The following CDKL3 variants were observed in gnomAD, a reference collection of about 807,000 sequenced individuals.
CDKL3 encodes cyclin dependent kinase like 3, also known as cyclin-dependent kinase-like 3.
A neutral mutation model predicts 69.3 loss-of-function variants in CDKL3; 65 were observed. The ratio of observed to expected loss-of-function variants is 0.94; its 90% CI spans 0.77 to 1.15. The LOEUF (loss-of-function observed/expected upper bound fraction) is 1.15, where lower values mean the gene tolerates loss of function less well. Ranked by LOEUF, CDKL3 falls within the 50% of genes most tolerant of loss-of-function variation. The pLI is 0.00. For synonymous variants in CDKL3, 202 were observed against 221.6 expected, an observed-to-expected ratio of 0.91 and a Z score of 0.79; for missense variants, 652 against 689.2, an observed-to-expected ratio of 0.95 and a Z score of 0.61.
At position 134,298,476 on chromosome 5, in the gene CDKL3, G is replaced by C. The variant is rs1438020571; in HGVS notation, c.*175C>G. On this transcript the variant is annotated 3_prime_UTR_variant, in exon 13 of 13. Coordinates refer to ENST00000265334, the MANE Select transcript of CDKL3 (RefSeq NM_001113575.2). Reference sequence around the variant, plus strand: ...TCCAAATCAAATTATCACATCAACAGAGTCTTAAAAGGGAAAAGAAAACAG... The same window carrying C: ...TCCAAATCAAATTATCACATCAACACAGTCTTAAAAGGGAAAAGAAAACAG... The C allele has an allele frequency of 1.0e-5, 14 of 1,387,676 alleles. No homozygotes were observed. The East Asian group carries it at 3.4e-4, about 34-fold the overall frequency. The allele number at this position is 1,387,676 out of a possible 1,614,324, so 86.0% of individuals were successfully genotyped here.
upstream of CDKL3, chr5:134,371,488 G>T: frequency 7.1e-7 from 1 of 1,416,570 alleles, no homozygotes; most frequent in Non-Finnish European, 9.6e-7. Flanking sequence ...GGCGGCGGCG[G>T]CGGCGGCGGC....
chr5:134,320,203 G>A (rs1033422022), intron 5 of CDKL3, among the ~76,000 whole-genome samples: 15 of 152,096 alleles, frequency 9.9e-5, no homozygotes, highest in Admixed American at 5.9e-4. Flanking sequence ...TAATTATCCA[G>A]ATTTCACTGT....
chr5:134,289,942 ACTTACTATGTGGAGTG>A (rs1224237779), intron 8 of CDKL3, among the ~76,000 whole-genome samples: 1 of 152,130 alleles, frequency 6.6e-6, no homozygotes, highest in African/African-American at 2.4e-5. Flanking sequence ...TCCTCAAGTG[ACTTACTATGTGGAGTG>A]CTTAATAAAT....
At chr5:134,294,521 T>C (rs1379108383), downstream of CDKL3, among the ~76,000 whole-genome samples, 1 of 152,118 alleles carries the variant, frequency 6.6e-6, no homozygotes, top group Non-Finnish European at 1.5e-5. Flanking sequence ...CAAGAAAAAG[T>C]AACACAGGCA....
At chr5:134,333,194 A>G (rs760548223) in intron 4 of CDKL3, among the ~76,000 whole-genome samples, 1 of 152,226 alleles carries the variant, frequency 6.6e-6, no homozygotes, top group Admixed American at 6.5e-5. Flanking sequence ...GAAGTTGCTT[A>G]TCAGCTTAAG....
intron 5 of CDKL3, among the ~76,000 whole-genome samples, chr5:134,320,106 CTTCT>C (rs1173494159): frequency 6.6e-6 from 1 of 152,090 alleles, no homozygotes; most frequent in African/African-American, 2.4e-5. Context: ...TCTAAGGTTC[CTTCT>C]AATATTAATC....
intron 4 of CDKL3, among the ~76,000 whole-genome samples, chr5:134,330,661 G>C (rs1775554828): frequency 6.6e-6 from 1 of 152,110 alleles, no homozygotes; most frequent in South Asian, 2.1e-4. Context: ...GTTGCAGTGA[G>C]CCAAGTTCCC....
intron 2 of CDKL3, among the ~76,000 whole-genome samples, chr5:134,360,670 A>C (rs1034606017): frequency 6.6e-6 from 1 of 152,182 alleles, no homozygotes; most frequent in African/African-American, 2.4e-5. Context: ...AATGTACTAT[A>C]ACTTAGTATT....
chr5:134,363,563 C>T (rs1174671509), intron 2 of CDKL3, among the ~76,000 whole-genome samples: 4 of 150,312 alleles, frequency 2.7e-5, no homozygotes, highest in Non-Finnish European at 2.9e-5. Flanking sequence ...TGGGTTCAAG[C>T]AATTCTCCTA....
chr5:134,304,414 C>T lies in CDKL3; in HGVS notation c.1612G>A (p.Gly538Arg), dbSNP rs1371573723. 18 of 1,608,882 alleles carry T rather than the reference C, an allele frequency of 1.1e-5. No homozygotes were observed. Among genetic ancestry groups the T allele is most frequent in the Non-Finnish European group, 1.5e-5 (18 of 1,177,748 alleles). Residue 538 changes from glycine to arginine, a missense_variant, in exon 11 of 13, where the codon GGA (glycine) becomes AGA (arginine). By Grantham distance (125) the Gly-to-Arg change is moderately radical. Coordinates refer to ENST00000265334, the MANE Select transcript of CDKL3 (RefSeq NM_001113575.2). ...PVTIQSKDTK[G>R]MEVKQIKMLK... Reference sequence around the variant, plus strand: ...TGCAACAAATGTGTACCTTCCATTCCTTTTGTATCTTTTGACTGTATTGTG... The same window carrying T: ...TGCAACAAATGTGTACCTTCCATTCTTTTTGTATCTTTTGACTGTATTGTG...
intron 11 of CDKL3, 97 bp from the exon 12 acceptor site, chr5:134,302,784 A>C: frequency 1.6e-6 from 1 of 620,834 alleles, no homozygotes; most frequent in Non-Finnish European, 2.8e-6. Flanking sequence ...CCACTAAGTC[A>C]GTTTCTCAGT....
intron 10 of CDKL3, 71 bp from the exon 11 acceptor site, chr5:134,304,638 C>T (rs1426028611): frequency 2.4e-5 from 31 of 1,283,934 alleles, no homozygotes; most frequent in Non-Finnish European, 2.9e-5. Flanking sequence ...CCTAGAATTG[C>T]TAGCCATTTG....
chr5:134,366,065 T>C (rs1277010454), intron 2 of CDKL3, among the ~76,000 whole-genome samples: 2 of 152,246 alleles, frequency 1.3e-5, no homozygotes, highest in Non-Finnish European at 2.9e-5. Flanking sequence ...TTTTACCTCC[T>C]TATAGTCTCA....
chr5:134,303,155 G>A (rs1027604679), intron 11 of CDKL3, among the ~76,000 whole-genome samples: 7 of 151,466 alleles, frequency 4.6e-5, no homozygotes, highest in African/African-American at 1.5e-4. Context: ...GCAGTGGCGC[G>A]ATCTCGGCTC....
intron 4 of CDKL3, among the ~76,000 whole-genome samples, chr5:134,326,335 C>T (rs552321122): frequency 6.6e-6 from 1 of 152,112 alleles, no homozygotes; most frequent in African/African-American, 2.4e-5. Flanking sequence ...TAAAGGGATC[C>T]CCTATTTTCT....
At chr5:134,326,063 G>A (rs1209193258) in intron 4 of CDKL3, among the ~76,000 whole-genome samples, 2 of 151,180 alleles carry the variant, frequency 1.3e-5, no homozygotes, top group Non-Finnish European at 2.9e-5. Flanking sequence ...GTGAGCCACT[G>A]CACCATGCCA....
chr5:134,338,923 G>C (rs537685586), intron 4 of CDKL3, among the ~76,000 whole-genome samples: 1 of 152,224 alleles, frequency 6.6e-6, no homozygotes, highest in African/African-American at 2.4e-5. Flanking sequence ...GTAGGCCTAG[G>C]TGGGTGGATC....
chr5:134,337,248 A>G (rs1344100977), intron 4 of CDKL3, among the ~76,000 whole-genome samples: 5 of 152,194 alleles, frequency 3.3e-5, no homozygotes, highest in Non-Finnish European at 5.9e-5. Context: ...CTCCAGGTAC[A>G]GTCACTCATG....
rs187449770 is a variant in CDKL3 at position 134,298,888 on chromosome 5, G to A, written c.1720-178C>T. Among the ~76,000 whole-genome samples the A allele has an allele frequency of 4.0e-5, 6 of 151,800 alleles. No individual in the cohort carries two copies. In the East Asian group the frequency reaches 1.2e-3, roughly 29 times the overall value. On this transcript the variant is annotated intron_variant, in intron 12 of 12. Transcript: ENST00000265334. The stretch of plus-strand genomic sequence containing the variant: ...ACTTCCATCTTTTTTTTTGCGGGGG[G>A]CAGCGGGATGGAGTCTCGCTCTGTG...
Sources: gnomAD v4.1 joint callset for allele counts (sites outside exome capture counted in the v4.1 genomes callset) on GRCh38, gnomAD v4.1.1 for gene constraint, MANE v1.5 for transcripts, NCBI Gene and HGNC (gene_info 2026-07-23, HGNC 2026-07-21) for gene names.